The following SNTG1 variants were observed in gnomAD, a reference collection of about 807,000 sequenced individuals.
SNTG1 encodes syntrophin gamma 1, also known as gamma-1-syntrophin.
Under a neutral mutation model 74.7 loss-of-function variants are expected in SNTG1, and 39 were observed. The observed-to-expected ratio is 0.52, with a 90% CI of 0.40 to 0.68. The LOEUF is 0.68. SNTG1 is among the 30% of genes least tolerant of loss of function. The probability of loss-of-function intolerance (pLI) is 0.00; values close to 1 mark genes in which losing one functional copy is unlikely to be tolerated. For missense variants in SNTG1, 685 were observed against 609.5 expected, an observed-to-expected ratio of 1.12 and a Z score of -1.30; for synonymous variants, 254 against 217.1, an observed-to-expected ratio of 1.17 and a Z score of -1.49.
intron 1 of SNTG1, among the ~76,000 whole-genome samples, chr8:50,042,753 A>C (rs527773481): frequency 6.6e-6 from 1 of 151,496 alleles, no homozygotes; most frequent in South Asian, 2.1e-4. Flanking sequence ...GGTAGAGGTA[A>C]GGTCTTGCAT....
intron 4 of SNTG1, among the ~76,000 whole-genome samples, chr8:50,404,031 G>A (rs551337023): frequency 6.6e-6 from 1 of 152,248 alleles, no homozygotes; most frequent in South Asian, 2.1e-4. Context: ...ATGATGATAT[G>A]CATAGAAAAC....
intron 15 of SNTG1, among the ~76,000 whole-genome samples, chr8:50,687,155 A>AT (rs1491272878): frequency 4.1e-4 from 13 of 31,542 alleles, no homozygotes; most frequent in Admixed American, 2.0e-3. Flanking sequence ...AAAAAAAAAT[A>AT]AAATAAACAT....
chr8:50,479,879 A>C (rs2093726203), intron 8 of SNTG1, among the ~76,000 whole-genome samples: 1 of 152,148 alleles, frequency 6.6e-6, no homozygotes, highest in Non-Finnish European at 1.5e-5. Context: ...GTTTGTCAAT[A>C]TTTCAAGTTT....
At chr8:49,969,553 T>C (rs113747841) in intron 1 of SNTG1, among the ~76,000 whole-genome samples, 7,336 of 151,870 alleles carry the variant, frequency 0.048, 599 homozygotes, top group African/African-American at 0.16. Context: ...CCCACCACCA[T>C]GCCCAGCTAA....
chr8:49,952,055 G>T (rs978739928), intron 1 of SNTG1, among the ~76,000 whole-genome samples: 16 of 152,082 alleles, frequency 1.1e-4, no homozygotes, highest in African/African-American at 3.9e-4. Context: ...TTGGAGCCTG[G>T]GGAAAGCTTT....
At chr8:50,016,041 T>A (rs1346216442) in intron 1 of SNTG1, among the ~76,000 whole-genome samples, 1 of 152,062 alleles carries the variant, frequency 6.6e-6, no homozygotes, top group Non-Finnish European at 1.5e-5. Context: ...TGCATCACAT[T>A]GATTTGCTGG....
intron 1 of SNTG1, among the ~76,000 whole-genome samples, chr8:50,078,641 C>T (rs1426098369): frequency 6.6e-6 from 1 of 152,104 alleles, no homozygotes; most frequent in East Asian, 1.9e-4. Context: ...GTTTGCTGCA[C>T]TTATCAATCT....
intron 2 of SNTG1, among the ~76,000 whole-genome samples, chr8:50,174,473 C>A (rs919272690): frequency 6.6e-6 from 1 of 152,130 alleles, no homozygotes; most frequent in Non-Finnish European, 1.5e-5. Context: ...AAGCGTTAAA[C>A]AGTTACCTTT....
intron 2 of SNTG1, among the ~76,000 whole-genome samples, chr8:50,254,948 CTTTTTT>C (rs4006072): frequency 7.0e-5 from 6 of 85,256 alleles, no homozygotes; most frequent in East Asian, 4.9e-4. Context: ...TTTATTGCCA[CTTTTTT>C]TTTTTTTTTT....
intron 15 of SNTG1, among the ~76,000 whole-genome samples, chr8:50,665,514 C>G (rs2095246593): frequency 6.6e-6 from 1 of 151,974 alleles, no homozygotes; most frequent in Admixed American, 6.6e-5. Context: ...GGAGCACACT[C>G]AGCAAAGCTC....
At chr8:50,356,406 A>G (rs2131037628) in intron 2 of SNTG1, among the ~76,000 whole-genome samples, 1 of 152,326 alleles carries the variant, frequency 6.6e-6, no homozygotes, top group Middle Eastern at 3.4e-3. Context: ...CAATGTTGCC[A>G]TAGAAATAAA....
intron 1 of SNTG1, among the ~76,000 whole-genome samples, chr8:50,152,016 A>G (rs2082085650): frequency 6.6e-6 from 1 of 152,144 alleles, no homozygotes; most frequent in South Asian, 2.1e-4. Context: ...GGGGTGTTAA[A>G]GTCTCCCATT....
At chr8:49,993,780 C>T (rs1813914470) in intron 1 of SNTG1, among the ~76,000 whole-genome samples, 1 of 152,128 alleles carries the variant, frequency 6.6e-6, no homozygotes, top group African/African-American at 2.4e-5. Flanking sequence ...TGTATATGTG[C>T]CACATTTTCT....
chr8:50,547,598 T>G (rs2130545134), intron 11 of SNTG1, among the ~76,000 whole-genome samples: 1 of 152,242 alleles, frequency 6.6e-6, no homozygotes, highest in East Asian at 1.9e-4. Context: ...ATTTATTAAT[T>G]AATATTAATT....
At chr8:50,628,560 A>T (rs1054158778) in intron 13 of SNTG1, among the ~76,000 whole-genome samples, 2 of 151,484 alleles carry the variant, frequency 1.3e-5, no homozygotes, top group Admixed American at 1.3e-4. Context: ...TCATTTTCTC[A>T]GTCCTGTTGT....
chr8:50,021,073 A>C (rs781725012), intron 1 of SNTG1, among the ~76,000 whole-genome samples: 5 of 152,086 alleles, frequency 3.3e-5, no homozygotes, highest in Non-Finnish European at 7.4e-5. Context: ...TGGCATTTGA[A>C]CCACAGTTCC....
chr8:49,984,938 G>GT (rs146824160), intron 1 of SNTG1, among the ~76,000 whole-genome samples: 5,632 of 151,964 alleles, frequency 0.037, 140 homozygotes, highest in Middle Eastern at 0.099. Flanking sequence ...GTTGGAGTAT[G>GT]TTTTTTTTAC....
At chr8:50,439,716 C>CTTTTTTTTTTTTT (rs60899125) in intron 5 of SNTG1, among the ~76,000 whole-genome samples, 1 of 102,102 alleles carries the variant, frequency 9.8e-6, no homozygotes, top group African/African-American at 3.7e-5. Flanking sequence ...TTTTGTTTTG[C>CTTTTTTTTTTTTT]TTTTTTTTTT....
In SNTG1 at chr8:50,237,460, T is replaced by C. The variant is rs535824457; in HGVS notation, c.-28+64825T>C. On this transcript the variant is annotated intron_variant, in intron 2 of 18. Coordinates refer to ENST00000642720, the MANE Select transcript of SNTG1 (RefSeq NM_018967.5). ...TTAGATTTCTTATTTCATTGGCATTTTGAGATGACATTCACTTATTCCCTA... is the reference window on the plus strand; with the variant it reads ...TTAGATTTCTTATTTCATTGGCATTCTGAGATGACATTCACTTATTCCCTA... 2.8e-4 allele frequency among the ~76,000 whole-genome samples: 43 copies of C among 152,296 alleles called. No homozygotes were observed. The South Asian group carries it at 8.1e-3, about 29-fold the overall frequency.
Sources: allele counts gnomAD v4.1 joint callset (sites outside exome capture counted in the v4.1 genomes callset), GRCh38; gene constraint gnomAD v4.1.1; transcripts MANE v1.5; gene names NCBI Gene and HGNC (gene_info 2026-07-23, HGNC 2026-07-21).